LRBA: variants seen among roughly 807,000 people sequenced by gnomAD.
LRBA encodes lipopolysaccharide-responsive and beige-like anchor protein.
In LRBA, 176 loss-of-function variants were observed where a neutral mutation model predicts 330.0. That is an observed-to-expected ratio of 0.53 (90% CI 0.47 to 0.60). The LOEUF is 0.60. Among genes scored for constraint, LRBA ranks in the 20% least tolerant of loss-of-function variants. The pLI is 0.00. For missense variants in LRBA, 3,259 were observed against 3,444.8 expected (o/e 0.95, Z 1.35); for synonymous variants, 1,230 against 1,193.0 (o/e 1.03, Z -0.64).
At chr4:150,774,174 T>C (rs544946206) in intron 34 of LRBA, among the ~76,000 whole-genome samples, 42 of 152,274 alleles carry the variant, frequency 2.8e-4, no homozygotes, top group African/African-American at 1.0e-3. Flanking sequence ...AACCTAAAAA[T>C]TGCATCCAAC....
chr4:150,928,380 A>T, intron 4 of LRBA, 136 bp downstream of exon 4: 1 of 596,570 alleles, frequency 1.7e-6, no homozygotes, highest in South Asian at 2.5e-5. Flanking sequence ...AGCCACAGGG[A>T]TCTCAATGCT....
intron 35 of LRBA, among the ~76,000 whole-genome samples, chr4:150,750,081 T>C (rs1733329899): frequency 6.6e-6 from 1 of 152,206 alleles, no homozygotes; most frequent in Non-Finnish European, 1.5e-5. Flanking sequence ...CTTCTCTTCA[T>C]TCAAACTGTT....
intron 37 of LRBA, among the ~76,000 whole-genome samples, chr4:150,601,601 T>C (rs1047885966): frequency 6.6e-6 from 1 of 152,156 alleles, no homozygotes; most frequent in Non-Finnish European, 1.5e-5. Context: ...GAACTGAGAA[T>C]TTGTTCACAT....
chr4:150,334,921 C>T (rs1428416910), intron 48 of LRBA, among the ~76,000 whole-genome samples: 2 of 150,192 alleles, frequency 1.3e-5, no homozygotes, highest in Non-Finnish European at 3.0e-5. Flanking sequence ...CCTCCGTCTC[C>T]GAGGTTCAAG....
chr4:150,671,533 A>T (rs777060230), intron 37 of LRBA, among the ~76,000 whole-genome samples: 1 of 152,218 alleles, frequency 6.6e-6, no homozygotes, highest in East Asian at 1.9e-4. Context: ...AACATGTGAT[A>T]ACAATTTTTA....
chr4:150,532,889 CTTAAAAATA>C (rs1297913177), intron 40 of LRBA, among the ~76,000 whole-genome samples: 1 of 151,976 alleles, frequency 6.6e-6, no homozygotes, highest in Non-Finnish European at 1.5e-5. Context: ...TTCTAATAGT[CTTAAAAATA>C]CTGAGAGGAA....
rs151021623 is a variant in LRBA, at chr4:150,915,672, C to T, written c.950G>A (p.Arg317Gln). 173 of 1,612,462 alleles carry T rather than the reference C, an allele frequency of 1.1e-4. No individual in the cohort carries two copies. The Admixed American group carries it at 2.6e-3, about 24-fold the overall frequency. Residue 317 changes from arginine to glutamine, a missense_variant, in exon 8 of 57, where the codon CGA becomes CAA. Physicochemically the swap from Arg to Gln is conservative, Grantham distance 43. Transcript: ENST00000651943. ...AGCCAGCTCACCATTCACATAACATCGAAGTTCACTATTCTTCCATCGGTT... is the reference window on the plus strand; with the variant it reads ...AGCCAGCTCACCATTCACATAACATTGAAGTTCACTATTCTTCCATCGGTT... ...IYNRWKNSEL[R>Q]CYVNGELASY... is the part of the protein sequence containing the mutation.
chr4:150,388,636 G>T (rs767954576), intron 47 of LRBA, among the ~76,000 whole-genome samples: 13 of 152,146 alleles, frequency 8.5e-5, no homozygotes, highest in Admixed American at 2.0e-4. Flanking sequence ...GTAGGAAATT[G>T]TGATATAATT....
intron 33 of LRBA, among the ~76,000 whole-genome samples, chr4:150,798,432 T>A (rs1741113539): frequency 6.6e-6 from 1 of 152,224 alleles, no homozygotes; most frequent in Non-Finnish European, 1.5e-5. Flanking sequence ...ATATGCCATA[T>A]TGATCAATAT....
At chr4:150,352,751 T>TG (rs1737348024) in intron 47 of LRBA, among the ~76,000 whole-genome samples, 1 of 152,042 alleles carries the variant, frequency 6.6e-6, no homozygotes, top group Admixed American at 6.5e-5. Flanking sequence ...TGGGTAGGGA[T>TG]GGGGGTATGG....
rs6846727 is a variant in LRBA, at chr4:150,949,358, T to A, written c.217-20293A>T. On this transcript the variant is annotated intron_variant, in intron 2 of 56. Transcript: ENST00000651943. ...CAAGTTCGTACAGTCTTCTGGAGATTCTTCAACTGACAAAAATATAGAAAT... is the reference window on the plus strand; with the variant it reads ...CAAGTTCGTACAGTCTTCTGGAGATACTTCAACTGACAAAAATATAGAAAT... Among the ~76,000 whole-genome samples the A allele has an allele frequency of 4.1e-3, 622 of 152,186 alleles. 6 individuals are homozygous for A. Among genetic ancestry groups the A allele is most frequent in the African/African-American group, 0.014 (595 of 41,556 alleles).
intron 40 of LRBA, among the ~76,000 whole-genome samples, chr4:150,506,651 C>T (rs904717823): frequency 2.6e-5 from 4 of 152,130 alleles, no homozygotes; most frequent in African/African-American, 9.7e-5. Context: ...GGAGGCATTC[C>T]CTTTGAAAAC....
chr4:150,732,501 C>T (rs1000425987), intron 36 of LRBA, among the ~76,000 whole-genome samples: 20 of 152,040 alleles, frequency 1.3e-4, no homozygotes, highest in African/African-American at 3.4e-4. Flanking sequence ...AACCGAAGAA[C>T]GGAAAATTGA....
At chr4:150,298,018 T>G (rs1299001947) in intron 53 of LRBA, among the ~76,000 whole-genome samples, 2 of 152,162 alleles carry the variant, frequency 1.3e-5, no homozygotes, top group African/African-American at 4.8e-5. Flanking sequence ...CAAGTACCAA[T>G]TTTCATGTTT....
At chr4:151,008,166 C>T (rs1042748158) in intron 2 of LRBA, among the ~76,000 whole-genome samples, 4 of 151,616 alleles carry the variant, frequency 2.6e-5, no homozygotes, top group Non-Finnish European at 2.9e-5. Flanking sequence ...CTACAACCTC[C>T]GCCTCCCGGG....
intron 28 of LRBA, among the ~76,000 whole-genome samples, chr4:150,835,758 T>G (rs1014875869): frequency 2.0e-5 from 3 of 152,164 alleles, no homozygotes; most frequent in African/African-American, 7.2e-5. Context: ...CAGGGACAAT[T>G]TGACTTCCTC....
intron 13 of LRBA, among the ~76,000 whole-genome samples, chr4:150,902,703 C>G (rs1188912357): frequency 6.6e-6 from 1 of 152,202 alleles, no homozygotes; most frequent in Non-Finnish European, 1.5e-5. Flanking sequence ...CAATAAACTT[C>G]TGCTTTTGTT....
intron 47 of LRBA, among the ~76,000 whole-genome samples, chr4:150,383,307 C>T (rs552019329): frequency 3.3e-5 from 5 of 152,060 alleles, no homozygotes; most frequent in African/African-American, 7.2e-5. Context: ...AGTGCAGTGG[C>T]GCAATCATGG....
intron 37 of LRBA, among the ~76,000 whole-genome samples, chr4:150,625,170 T>C (rs1484851626): frequency 6.6e-6 from 1 of 152,164 alleles, no homozygotes; most frequent in Non-Finnish European, 1.5e-5. Flanking sequence ...AAGTGCTATG[T>C]CAAGTATGGA....
Sources: allele counts gnomAD v4.1 joint callset (sites outside exome capture counted in the v4.1 genomes callset), GRCh38; gene constraint gnomAD v4.1.1; transcripts MANE v1.5; gene names NCBI Gene and HGNC (gene_info 2026-07-23, HGNC 2026-07-21).